Variants in GRXCR1 observed in about 807,000 individuals in gnomAD.
GRXCR1 encodes the protein glutaredoxin and cysteine rich domain containing 1, also known as glutaredoxin domain-containing cysteine-rich protein 1.
Under a neutral mutation model 27.3 loss-of-function variants are expected in GRXCR1, and 27 were observed. That is an observed-to-expected ratio of 0.99 (90% CI 0.73 to 1.37). The LOEUF is 1.37. Ranked by LOEUF, GRXCR1 falls within the 40% of genes most tolerant of loss-of-function variation. GRXCR1 has a pLI of 0.00. For synonymous variants in GRXCR1, 122 were observed against 131.1 expected, an observed-to-expected ratio of 0.93 and a Z score of 0.47; for missense variants, 379 against 354.4, an observed-to-expected ratio of 1.07 and a Z score of -0.56.
intron 2 of GRXCR1, among the ~76,000 whole-genome samples, chr4:42,964,280 A>T (rs905066727): frequency 6.6e-6 from 1 of 152,046 alleles, no homozygotes; most frequent in Non-Finnish European, 1.5e-5. Flanking sequence ...CTGCACTCAC[A>T]GCTTTGCATC....
chr4:43,025,202 G>T (rs536710551), intron 3 of GRXCR1, among the ~76,000 whole-genome samples: 1 of 152,190 alleles, frequency 6.6e-6, no homozygotes, highest in African/African-American at 2.4e-5. Context: ...GTCGTTTGTC[G>T]TTTTTGTCCT....
chr4:42,925,061 GAA>G (rs72330518), intron 1 of GRXCR1, among the ~76,000 whole-genome samples: 3 of 139,624 alleles, frequency 2.1e-5, no homozygotes, highest in African/African-American at 7.8e-5. Context: ...GCATGAAAGA[GAA>G]AAAAAAAAAA....
intron 2 of GRXCR1, among the ~76,000 whole-genome samples, chr4:42,971,151 C>T (rs1333351484): frequency 6.6e-6 from 1 of 152,104 alleles, no homozygotes. Flanking sequence ...TCATTTGAGA[C>T]CACTTCAGCC....
In GRXCR1 at chr4:42,935,944, T is replaced by G. The variant is rs530474476; in HGVS notation, c.385-26948T>G. Among the ~76,000 whole-genome samples the G allele has an allele frequency of 4.5e-4, 69 of 152,006 alleles. 2 individuals carry two copies. In the South Asian group the frequency reaches 0.01, roughly 23 times the overall value. On this transcript the variant is annotated intron_variant, in intron 1 of 3. Transcript: ENST00000399770. ...AACACTGCTTTTTAAAAGGGGGGAA[T>G]GTAATATTTCATTAAAGAACTCCCA...
At chr4:43,026,591 A>G (rs1167273767) in intron 3 of GRXCR1, among the ~76,000 whole-genome samples, 1 of 152,196 alleles carries the variant, frequency 6.6e-6, no homozygotes, top group East Asian at 1.9e-4. Flanking sequence ...CAACTGCTTT[A>G]CATTTGGGGA....
At chr4:42,896,228 A>T (rs1292328465) in intron 1 of GRXCR1, among the ~76,000 whole-genome samples, 1 of 152,146 alleles carries the variant, frequency 6.6e-6, no homozygotes, top group African/African-American at 2.4e-5. Flanking sequence ...CAAAAATTTC[A>T]ACTGCACAGA....
intron 2 of GRXCR1, among the ~76,000 whole-genome samples, chr4:42,972,466 A>G (rs1299752177): frequency 1.3e-5 from 2 of 152,148 alleles, no homozygotes; most frequent in Non-Finnish European, 2.9e-5. Context: ...AAAATTTAGA[A>G]CAAAAGCCAG....
intron 2 of GRXCR1, among the ~76,000 whole-genome samples, chr4:43,004,827 G>A (rs756395873): frequency 2.8e-4 from 43 of 152,196 alleles, no homozygotes; most frequent in Non-Finnish European, 5.7e-4. Context: ...GAAGGGACTT[G>A]CCTTGTCTCA....
At chr4:42,924,506 T>A (rs1486939513) in intron 1 of GRXCR1, among the ~76,000 whole-genome samples, 1 of 152,080 alleles carries the variant, frequency 6.6e-6, no homozygotes, top group Non-Finnish European at 1.5e-5. Context: ...CAATGAAAAC[T>A]GTCTTGCAGC....
chr4:42,961,624 G>C (rs1166883755), intron 1 of GRXCR1, among the ~76,000 whole-genome samples: 1 of 151,828 alleles, frequency 6.6e-6, no homozygotes, highest in African/African-American at 2.4e-5. Context: ...AATTCCTCCA[G>C]GCCTCTGGGT....
chr4:42,912,358 C>T (rs1210229914), intron 1 of GRXCR1, among the ~76,000 whole-genome samples: 1 of 152,148 alleles, frequency 6.6e-6, no homozygotes, highest in Non-Finnish European at 1.5e-5. Context: ...AGGTGGAATT[C>T]ATGCTTCATT....
chr4:42,981,511 A>T (rs949452093), intron 2 of GRXCR1, among the ~76,000 whole-genome samples: 2 of 152,172 alleles, frequency 1.3e-5, no homozygotes, highest in Non-Finnish European at 2.9e-5. Context: ...TCTGAATTTC[A>T]TGTATACTTT....
At chr4:43,000,741 G>A (rs557642582) in intron 2 of GRXCR1, among the ~76,000 whole-genome samples, 10 of 152,002 alleles carry the variant, frequency 6.6e-5, no homozygotes, top group South Asian at 4.1e-4. Flanking sequence ...AGGCATCCAC[G>A]AGGGGGTCCT....
Position 42,932,963 on chromosome 4 carries a change from G to C in GRXCR1, c.385-29929G>C, listed in dbSNP as rs562071775. Among the ~76,000 whole-genome samples, 14 of 151,818 alleles carry C rather than the reference G, an allele frequency of 9.2e-5. No individual in the cohort carries two copies. In the East Asian group the frequency reaches 1.6e-3, roughly 17 times the overall value. On this transcript the variant is annotated intron_variant, in intron 1 of 3. Coordinates refer to ENST00000399770, the MANE Select transcript of GRXCR1 (RefSeq NM_001080476.3). Reference sequence around the variant, plus strand: ...ACTAAGGAAAGGAGGTCAGTGCAGGGAATGATGAGAGAATCATCTATATGA... The same window carrying C: ...ACTAAGGAAAGGAGGTCAGTGCAGGCAATGATGAGAGAATCATCTATATGA...
At chr4:42,962,016 C>CTGTG (rs1577922094) in intron 1 of GRXCR1, among the ~76,000 whole-genome samples, 1 of 151,944 alleles carries the variant, frequency 6.6e-6, no homozygotes, top group Non-Finnish European at 1.5e-5. Context: ...TCAACTAAGA[C>CTGTG]TGTGATAAGG....
rs143219800 is a variant in GRXCR1, at chr4:43,028,919, A to G, written c.694-1442A>G. ...TGTTTTATTCAGATTGACAACAACTACTTTCTGTGATTCAGTGCCATTAGA... is the reference window on the plus strand; with the variant it reads ...TGTTTTATTCAGATTGACAACAACTGCTTTCTGTGATTCAGTGCCATTAGA... On this transcript the variant is annotated intron_variant, in intron 3 of 3. Transcript: ENST00000399770. 7.9e-3 allele frequency among the ~76,000 whole-genome samples: 1,204 copies of G among 152,302 alleles called. 17 individuals carry two copies. The highest frequency in any genetic ancestry group is 0.028 in the African/African-American group (1,157 of 41,556).
intron 1 of GRXCR1, among the ~76,000 whole-genome samples, chr4:42,937,124 A>G (rs1200077699): frequency 6.6e-6 from 1 of 151,796 alleles, no homozygotes; most frequent in East Asian, 1.9e-4. Flanking sequence ...TATTTATTCA[A>G]TCATTTATGT....
chr4:42,959,816 T>G (rs923475033), intron 1 of GRXCR1, among the ~76,000 whole-genome samples: 3 of 151,864 alleles, frequency 2.0e-5, no homozygotes, highest in African/African-American at 7.2e-5. Context: ...ACATTAGAAC[T>G]TAAAAAAAAA....
intron 2 of GRXCR1, among the ~76,000 whole-genome samples, chr4:43,000,085 A>G (rs1712301468): frequency 6.6e-6 from 1 of 152,212 alleles, no homozygotes; most frequent in Non-Finnish European, 1.5e-5. Context: ...GAGTAGTATG[A>G]TAAAATCTTG....
Sources: gnomAD v4.1 joint callset for allele counts (sites outside exome capture counted in the v4.1 genomes callset) on GRCh38, gnomAD v4.1.1 for gene constraint, MANE v1.5 for transcripts, NCBI Gene and HGNC (gene_info 2026-07-23, HGNC 2026-07-21) for gene names.